CIMIP6: variants seen among roughly 807,000 people sequenced by gnomAD.
CIMIP6 encodes ciliary microtubule inner protein 6.
chr2:54,383,881 A>T, the CIMIP6 span: 2 of 152,228 alleles, frequency 1.3e-5, no homozygotes, highest in Non-Finnish European at 2.9e-5. Flanking sequence ...TTTCTTATAA[A>T]AGGACAAGGT....
chr2:54,352,764 T>C, the CIMIP6 span, among the ~76,000 whole-genome samples: 2 of 152,200 alleles, frequency 1.3e-5, no homozygotes, highest in South Asian at 2.1e-4. Context: ...TACTTTAATC[T>C]CTAGATTACT....
the CIMIP6 span, chr2:54,381,696 C>T: frequency 5.4e-6 from 6 of 1,119,830 alleles, no homozygotes; most frequent in Non-Finnish European, 7.1e-6. Context: ...CTTCCTCATC[C>T]TTTCACTCCT....
chr2:54,375,192 A>G, the CIMIP6 span, among the ~76,000 whole-genome samples: 1 of 152,212 alleles, frequency 6.6e-6, no homozygotes, highest in East Asian at 1.9e-4. Flanking sequence ...TGTAACTTTA[A>G]TAAAGTTAAA....
the CIMIP6 span, among the ~76,000 whole-genome samples, chr2:54,373,956 C>T: frequency 1.3e-5 from 2 of 152,218 alleles, no homozygotes; most frequent in Non-Finnish European, 2.9e-5. Flanking sequence ...TCTTCCCTTC[C>T]TTTATTCTGC....
the CIMIP6 span, among the ~76,000 whole-genome samples, chr2:54,333,724 A>G: frequency 6.6e-6 from 1 of 152,032 alleles, no homozygotes; most frequent in African/African-American, 2.4e-5. Context: ...CCCTGTCTCT[A>G]CTAAAAAAAA....
the CIMIP6 span, chr2:54,381,935 T>A: frequency 7.7e-6 from 12 of 1,550,034 alleles, no homozygotes; most frequent in Non-Finnish European, 1.0e-5. Flanking sequence ...ACGGGCATGT[T>A]TTTTTAGGTG....
At chr2:54,341,921 G>A in the CIMIP6 span, among the ~76,000 whole-genome samples, 2 of 152,180 alleles carry the variant, frequency 1.3e-5, no homozygotes, top group Non-Finnish European at 2.9e-5. Flanking sequence ...ATAGTGAGAA[G>A]ACACCATCTG....
At chr2:54,366,397 C>T in the CIMIP6 span, among the ~76,000 whole-genome samples, 1 of 152,186 alleles carries the variant, frequency 6.6e-6, no homozygotes, top group Admixed American at 6.5e-5. Context: ...AAATAAACTT[C>T]TATCTTGTAT....
At chr2:54,359,022 T>C in the CIMIP6 span, 1 of 1,557,694 alleles carries the variant, frequency 6.4e-7, no homozygotes, top group Non-Finnish European at 8.7e-7. Context: ...TACATCTCTT[T>C]TATACATCAA....
At chr2:54,356,158 A>G in the CIMIP6 span, among the ~76,000 whole-genome samples, 3 of 151,996 alleles carry the variant, frequency 2.0e-5, no homozygotes, top group African/African-American at 7.3e-5. Context: ...AAAAAAAAAA[A>G]AAGGCATCAC....
At chr2:54,334,136 A>C in the CIMIP6 span, among the ~76,000 whole-genome samples, 3 of 152,190 alleles carry the variant, frequency 2.0e-5, no homozygotes, top group Non-Finnish European at 2.9e-5. Flanking sequence ...TGAATTTTAA[A>C]AATACTGCCT....
At chr2:54,360,172 T>G in the CIMIP6 span, 8 of 1,507,180 alleles carry the variant, frequency 5.3e-6, no homozygotes, top group Non-Finnish European at 7.1e-6. Flanking sequence ...TGCGTTCTCC[T>G]GGTTAATGTC....
chr2:54,336,961 A>G, the CIMIP6 span, among the ~76,000 whole-genome samples: 3 of 152,242 alleles, frequency 2.0e-5, no homozygotes, highest in Admixed American at 1.3e-4. Context: ...GCAGGATTCT[A>G]TGAGAGAAGA....
At chr2:54,380,452 C>G in the CIMIP6 span, among the ~76,000 whole-genome samples, 1 of 152,178 alleles carries the variant, frequency 6.6e-6, no homozygotes, top group Non-Finnish European at 1.5e-5. Context: ...CTTCTCCCAC[C>G]TGGAATGTCT....
chr2:54,379,920 T>A, the CIMIP6 span, among the ~76,000 whole-genome samples: 1 of 149,400 alleles, frequency 6.7e-6, no homozygotes. Flanking sequence ...GAGGTTACAG[T>A]GAGCCGAGAT....
the CIMIP6 span, among the ~76,000 whole-genome samples, chr2:54,363,693 T>TA: frequency 6.6e-6 from 1 of 152,214 alleles, no homozygotes; most frequent in African/African-American, 2.4e-5. Context: ...CTAACTCTAT[T>TA]AAAATGGATT....
chr2:54,364,632 C>T, the CIMIP6 span, among the ~76,000 whole-genome samples: 6 of 152,104 alleles, frequency 3.9e-5, no homozygotes, highest in Admixed American at 6.5e-5. Context: ...CCATTAATTC[C>T]CAGATGTTAA....
chr2:54,374,591 G>A, the CIMIP6 span, among the ~76,000 whole-genome samples: 3 of 152,168 alleles, frequency 2.0e-5, no homozygotes, highest in African/African-American at 7.2e-5. Context: ...TATCAACCAG[G>A]TCTTCACATT....
the CIMIP6 span, among the ~76,000 whole-genome samples, chr2:54,343,192 A>G: frequency 4.6e-5 from 7 of 152,206 alleles, no homozygotes; most frequent in Non-Finnish European, 1.0e-4. Context: ...CACACTGCAT[A>G]TAGTAAGTAT....
Sources: allele counts gnomAD v4.1 joint callset (sites outside exome capture counted in the v4.1 genomes callset), GRCh38; gene constraint gnomAD v4.1.1; transcripts MANE v1.5; gene names NCBI Gene and HGNC (gene_info 2026-07-23, HGNC 2026-07-21).